PTCD2: variants seen among roughly 807,000 people sequenced by gnomAD.
The protein encoded by PTCD2 is pentatricopeptide repeat-containing protein 2, mitochondrial.
PTCD2 carries 31 observed loss-of-function variants against 42.6 expected under a neutral mutation model. That is an observed-to-expected ratio of 0.73 (90% CI 0.55 to 0.98). The LOEUF (loss-of-function observed/expected upper bound fraction) is 0.98, where lower values mean the gene tolerates loss of function less well. PTCD2 is among the 50% of genes least tolerant of loss of function. The pLI is 0.00. For synonymous variants in PTCD2, 183 were observed against 170.9 expected (o/e 1.07, Z -0.55); for missense variants, 476 against 454.8 (o/e 1.05, Z -0.42).
At position 72,320,487 on chromosome 5, in the gene PTCD2, C is replaced by G. The variant is rs1381447922; in HGVS notation, c.105C>G (p.Val35=). Residue 35 remains valine, a synonymous_variant, in exon 1 of 10, where the codon GTC becomes GTG. Coordinates refer to ENST00000380639, the MANE Select transcript of PTCD2 (RefSeq NM_024754.5). ...VYPGVGGSGS[V]SCRCPLGAKR... The stretch of plus-strand genomic sequence containing the variant: ...CTGGGGTGGGAGGCTCCGGCTCTGT[C>G]AGCTGCCGCTGCCCTCTCGGAGGTA... 1.2e-6 allele frequency: 2 copies of G among 1,614,036 alleles called. No individual in the cohort carries two copies. Among genetic ancestry groups the G allele is most frequent in the South Asian group, 2.2e-5 (2 of 91,080 alleles).
At chr5:72,353,975 G>T (rs1292664697) in intron 9 of PTCD2, among the ~76,000 whole-genome samples, 1 of 152,152 alleles carries the variant, frequency 6.6e-6, no homozygotes, top group Non-Finnish European at 1.5e-5. Flanking sequence ...ATCAGTAAAA[G>T]AAGTGATAAA....
rs1750753137 is a variant in PTCD2, at chr5:72,320,456, T to G, written c.74T>G (p.Val25Gly). 6.2e-7 allele frequency: 1 copy of G among 1,613,884 alleles called. No homozygotes were observed. Among genetic ancestry groups the G allele is most frequent in the Non-Finnish European group, 8.5e-7 (1 of 1,179,972 alleles). The change falls in exon 1 of 10, where the codon GTG becomes GGG. Residue 25 changes from valine (V) to glycine (G), a missense_variant. Physicochemically the swap from Val to Gly is moderately radical, Grantham distance 109 (BLOSUM62 -3). Transcript: ENST00000380639. ...RVLLQALQIL[V>G]YPGVGGSGSV... ...CTCCTGCAGGCGCTGCAGATTTTGGTGTATCCTGGGGTGGGAGGCTCCGGC... is the reference window on the plus strand; with the variant it reads ...CTCCTGCAGGCGCTGCAGATTTTGGGGTATCCTGGGGTGGGAGGCTCCGGC...
Position 72,338,746 on chromosome 5 carries a change from G to C in PTCD2, c.753+11G>C. ...TTAGCTCTGAATCAGGTAAAGCCTTGTGGTGTACATAAGTAAATTGGGAGT... is the reference window on the plus strand; with the variant it reads ...TTAGCTCTGAATCAGGTAAAGCCTTCTGGTGTACATAAGTAAATTGGGAGT... On this transcript the variant is annotated intron_variant, in intron 7 of 9. Coordinates refer to ENST00000380639, the MANE Select transcript of PTCD2 (RefSeq NM_024754.5). 6.7e-7 allele frequency: 1 copy of C among 1,491,816 alleles called. No individual in the cohort carries two copies. Among genetic ancestry groups the C allele is most frequent in the Non-Finnish European group, 9.3e-7 (1 of 1,073,874 alleles). The allele number at this position is 1,491,816 out of a possible 1,614,324, so 92.4% of individuals were successfully genotyped here.
chr5:72,358,529 C>T lies in PTCD2; in HGVS notation c.*102C>T. On this transcript the variant is annotated 3_prime_UTR_variant, in exon 10 of 10. Coordinates refer to ENST00000380639, the MANE Select transcript of PTCD2 (RefSeq NM_024754.5). ...CGCACTTCAGCAGACAGTGTGCTGA[C>T]ACTTGGTCTTCTCCTGAAATTCCCA... is the stretch of plus-strand genomic sequence containing the variant. 1.3e-6 allele frequency: 1 copy of T among 799,478 alleles called. No individual in the cohort carries two copies. The highest frequency in any genetic ancestry group is 2.1e-6 in the Non-Finnish European group (1 of 486,336). The allele number at this position is 799,478 out of a possible 1,614,324, so 49.5% of individuals were successfully genotyped here.
intron 9 of PTCD2, among the ~76,000 whole-genome samples, chr5:72,353,547 T>C (rs1752724259): frequency 6.6e-6 from 1 of 152,208 alleles, no homozygotes; most frequent in Non-Finnish European, 1.5e-5. Context: ...CAAACAAGAC[T>C]AGCTAGAAAA....
intron 8 of PTCD2, among the ~76,000 whole-genome samples, chr5:72,350,350 C>T (rs1752562188): frequency 1.3e-5 from 2 of 152,168 alleles, no homozygotes; most frequent in African/African-American, 4.8e-5. Flanking sequence ...GTTTCCTGAG[C>T]CCCAGTTCCT....
chr5:72,329,179 C>A (rs73102431), intron 3 of PTCD2, among the ~76,000 whole-genome samples: 1,659 of 152,296 alleles, frequency 0.011, 30 homozygotes, highest in African/African-American at 0.038. Context: ...TGACTTAGTT[C>A]CTTTACTGAT....
chr5:72,336,891 CTT>C (rs1381757977), intron 6 of PTCD2, among the ~76,000 whole-genome samples: 1 of 152,056 alleles, frequency 6.6e-6, no homozygotes, highest in Non-Finnish European at 1.5e-5. Flanking sequence ...CACAAAACCT[CTT>C]TATACTGAAA....
intron 1 of PTCD2, 200 bp downstream of exon 1, chr5:72,320,709 G>A (rs745466102): frequency 3.1e-6 from 2 of 651,492 alleles, no homozygotes; most frequent in Non-Finnish European, 5.2e-6. Context: ...CAAATCGAAG[G>A]ACTGCTGGGG....
rs566457848 is a variant in PTCD2, at chr5:72,342,575, C to G, written c.754-387C>G. 5.3e-5 allele frequency among the ~76,000 whole-genome samples: 8 copies of G among 152,334 alleles called. No homozygotes were observed. The South Asian group carries it at 8.3e-4, about 16-fold the overall frequency. ...GCTTTCTCCTGAACCCTGCCAGCCT[C>G]CATTTCCAATGTTTCTGGCAGTGTT... On this transcript the variant is annotated intron_variant, in intron 7 of 9. Transcript: ENST00000380639.
At chr5:72,327,211 G>A (rs527905147) in intron 3 of PTCD2, among the ~76,000 whole-genome samples, 3 of 152,108 alleles carry the variant, frequency 2.0e-5, no homozygotes, top group South Asian at 2.1e-4. Context: ...CTCTATCTCC[G>A]TTAGCAGTGT....
intron 2 of PTCD2, among the ~76,000 whole-genome samples, chr5:72,324,507 G>C (rs995621838): frequency 2.0e-5 from 3 of 152,028 alleles, no homozygotes; most frequent in African/African-American, 7.2e-5. Flanking sequence ...TCCTTACCTA[G>C]AATATCCCCC....
At chr5:72,342,886 T>C in intron 7 of PTCD2, 76 bp from the exon 8 acceptor site, 1 of 824,336 alleles carries the variant, frequency 1.2e-6, no homozygotes, top group Non-Finnish European at 1.9e-6. Flanking sequence ...AGGAATATAC[T>C]GCCCTCTCTA....
At position 72,320,475 on chromosome 5, in the gene PTCD2, C is replaced by T. The variant is rs374189854; in HGVS notation, c.93C>T (p.Gly31=). 2 of 1,613,944 alleles carry T rather than the reference C, an allele frequency of 1.2e-6. No individual in the cohort carries two copies. Among genetic ancestry groups the T allele is most frequent in the African/African-American group, 1.3e-5 (1 of 74,910 alleles). The change falls in exon 1 of 10, where the codon GGC becomes GGT. Residue 31 remains glycine, a synonymous_variant. Coordinates refer to ENST00000380639, the MANE Select transcript of PTCD2 (RefSeq NM_024754.5). ...LQILVYPGVG[G]SGSVSCRCPL... ...TTTTGGTGTATCCTGGGGTGGGAGG[C>T]TCCGGCTCTGTCAGCTGCCGCTGCC... is the stretch of plus-strand genomic sequence containing the variant.
At chr5:72,321,873 C>T (rs1160100682) in intron 1 of PTCD2, among the ~76,000 whole-genome samples, 2 of 152,072 alleles carry the variant, frequency 1.3e-5, no homozygotes, top group Non-Finnish European at 2.9e-5. Context: ...CCCATTTGTA[C>T]TTCAAATCCC....
intron 9 of PTCD2, among the ~76,000 whole-genome samples, chr5:72,357,357 A>G (rs1167600471): frequency 2.0e-5 from 3 of 152,168 alleles, no homozygotes; most frequent in Non-Finnish European, 2.9e-5. Context: ...ACTCCAAAAT[A>G]TACCTCACAT....
In PTCD2 at chr5:72,364,085, G is replaced by C. The variant is rs1300508004; in HGVS notation, c.*5658G>C. On this transcript the variant is annotated 3_prime_UTR_variant, in exon 10 of 10. Transcript: ENST00000380639. ...AAAGTGAAATGGTATTTTTTAAAAG[G>C]AAGTGGTTCAACTGTATTGCATAGA... 6.6e-6 allele frequency: 1 copy of C among 152,196 alleles called. No homozygotes were observed. Among genetic ancestry groups the C allele is most frequent in the Non-Finnish European group, 1.5e-5 (1 of 68,024 alleles). 9.4% of individuals were successfully genotyped at this position (152,196 alleles called of 1,614,324 possible).
chr5:72,329,629 T>C (rs1331880308), intron 3 of PTCD2, among the ~76,000 whole-genome samples: 3 of 152,346 alleles, frequency 2.0e-5, no homozygotes, highest in African/African-American at 7.2e-5. Flanking sequence ...TGAAGATGTT[T>C]TCCTTAGCAT....
chr5:72,327,164 A>G (rs960831388), intron 3 of PTCD2, among the ~76,000 whole-genome samples: 6 of 152,072 alleles, frequency 3.9e-5, no homozygotes, highest in African/African-American at 1.2e-4. Flanking sequence ...TCTTGGTTCT[A>G]CTTCCTTGGT....
Sources: gnomAD v4.1 joint callset for allele counts (sites outside exome capture counted in the v4.1 genomes callset) on GRCh38, gnomAD v4.1.1 for gene constraint, MANE v1.5 for transcripts, NCBI Gene and HGNC (gene_info 2026-07-23, HGNC 2026-07-21) for gene names.